PRUNE2: variants seen among roughly 807,000 people sequenced by gnomAD.
PRUNE2 encodes protein prune homolog 2.
Under a neutral mutation model 252.0 loss-of-function variants are expected in PRUNE2, and 164 were observed. The observed-to-expected ratio is 0.65, with a 90% CI of 0.57 to 0.74. The LOEUF (loss-of-function observed/expected upper bound fraction) is 0.74, where lower values mean the gene tolerates loss of function less well. PRUNE2 is among the 30% of genes least tolerant of loss of function. The pLI is 0.00. For missense variants in PRUNE2, 3,495 were observed against 3,711.0 expected (o/e 0.94, Z 1.51); for synonymous variants, 1,292 against 1,350.2 (o/e 0.96, Z 0.94).
intron 2 of PRUNE2, among the ~76,000 whole-genome samples, chr9:76,852,367 T>C (rs1474416128): frequency 2.6e-5 from 4 of 152,254 alleles, no homozygotes; most frequent in African/African-American, 9.6e-5. Flanking sequence ...AAATCAGGCA[T>C]GTGGCCTGGG....
intron 1 of PRUNE2, chr9:76,857,182 C>G (rs2060303209): frequency 2.2e-6 from 1 of 455,038 alleles, no homozygotes. Context: ...AGCGCATATA[C>G]AGTTTCCAGG....
chr9:76,735,045 T>C (rs2048956801), intron 6 of PRUNE2, among the ~76,000 whole-genome samples: 1 of 151,826 alleles, frequency 6.6e-6, no homozygotes, highest in Non-Finnish European at 1.5e-5. Flanking sequence ...TGGGGAGTCA[T>C]GGAGAGAGGA....
At chr9:76,903,049 C>A (rs1349970147) in intron 1 of PRUNE2, among the ~76,000 whole-genome samples, 2 of 152,126 alleles carry the variant, frequency 1.3e-5, no homozygotes, top group African/African-American at 4.8e-5. Context: ...TCAAAATATC[C>A]TTTTCTTTCA....
intron 6 of PRUNE2, among the ~76,000 whole-genome samples, chr9:76,774,466 T>TATTTATTTA (rs1419033422): frequency 2.3e-5 from 1 of 43,472 alleles, no homozygotes; most frequent in Non-Finnish European, 4.2e-5. Flanking sequence ...TTTTTTTTTT[T>TATTTATTTA]TTTTTTTTTT....
intron 3 of PRUNE2, among the ~76,000 whole-genome samples, chr9:76,847,055 G>A (rs907031853): frequency 5.3e-5 from 8 of 152,102 alleles, no homozygotes; most frequent in East Asian, 3.8e-4. Flanking sequence ...GGCTGGGCGC[G>A]GTGGCTCACA....
Position 76,705,681 on chromosome 9 carries a change from T to C in PRUNE2, c.6593A>G (p.Asp2198Gly). The C allele has an allele frequency of 1.2e-6, 2 of 1,614,014 alleles. No individual in the cohort carries two copies. The highest frequency in any genetic ancestry group is 1.7e-6 in the Non-Finnish European group (2 of 1,179,888). ...TGATACTTGTAAACCTGTACTGTTG[T>C]CACCGTTTATTTCAGAAGGTTCAGG... is the stretch of plus-strand genomic sequence containing the variant. ...GSPEPSEING[D>G]NSTGLQVSEK... The change falls in exon 8 of 19, where the codon GAC becomes GGC. Residue 2198 changes from aspartate (D) to glycine (G), a missense_variant. By Grantham distance (94) the Asp-to-Gly change is moderately conservative. Transcript: ENST00000376718.
rs535578275 is a variant in PRUNE2, at chr9:76,807,375, G to A, written c.756+16257C>T. Reference sequence around the variant, plus strand: ...GGCATGAGCCACAATGCCTGGCCTCGACCTCCCTGTACTATGATCTTTGCT... The same window carrying A: ...GGCATGAGCCACAATGCCTGGCCTCAACCTCCCTGTACTATGATCTTTGCT... On this transcript the variant is annotated intron_variant, in intron 6 of 18. Coordinates refer to ENST00000376718, the MANE Select transcript of PRUNE2 (RefSeq NM_015225.3). Among the ~76,000 whole-genome samples, 33 of 152,070 alleles carry A rather than the reference G, an allele frequency of 2.2e-4. No individual in the cohort carries two copies. The South Asian group carries it at 2.3e-3, about 11-fold the overall frequency.
chr9:76,744,254 A>C (rs1308774767), intron 6 of PRUNE2, among the ~76,000 whole-genome samples: 1 of 152,194 alleles, frequency 6.6e-6, no homozygotes, highest in Non-Finnish European at 1.5e-5. Flanking sequence ...AATTAGACAA[A>C]CCAAACTTTC....
chr9:76,811,939 G>A (rs1477695037), intron 6 of PRUNE2, among the ~76,000 whole-genome samples: 1 of 152,248 alleles, frequency 6.6e-6, no homozygotes, highest in East Asian at 1.9e-4. Flanking sequence ...GAATGGCGCT[G>A]TAGTTGCTGA....
chr9:76,831,654 T>C (rs926648960), intron 4 of PRUNE2, among the ~76,000 whole-genome samples: 213 of 152,078 alleles, frequency 1.4e-3, no homozygotes, highest in African/African-American at 4.4e-3. Flanking sequence ...TCATAACCAC[T>C]AAAAGAATAT....
At position 76,839,790 on chromosome 9, in the gene PRUNE2, C is replaced by T. The variant is rs1171008930; in HGVS notation, c.508+6725G>A. 2.0e-5 allele frequency among the ~76,000 whole-genome samples: 3 copies of T among 152,136 alleles called. No individual in the cohort carries two copies. In the East Asian group the frequency reaches 5.8e-4, roughly 29 times the overall value. ...CTTGAACTGAGTCACTAGCAGTGAT[C>T]ATGGAAAATGTAGAGGGAGTCATGT... is the stretch of plus-strand genomic sequence containing the variant. On this transcript the variant is annotated intron_variant, in intron 4 of 18. Transcript: ENST00000376718.
Position 76,666,608 on chromosome 9 carries a change from G to A in PRUNE2, c.8277-11106C>T, listed in dbSNP as rs146243537. Among the ~76,000 whole-genome samples the A allele has an allele frequency of 3.5e-3, 530 of 152,270 alleles. 2 individuals are homozygous for A. The highest frequency in any genetic ancestry group is 6.1e-3 in the Non-Finnish European group (417 of 68,014). The stretch of plus-strand genomic sequence containing the variant: ...GTGGACACGTGACTCATGTGACCTT[G>A]TCAATCATTGGAGATGACTCACACT... On this transcript the variant is annotated intron_variant, in intron 9 of 18. Coordinates refer to ENST00000376718, the MANE Select transcript of PRUNE2 (RefSeq NM_015225.3).
chr9:76,868,837 T>TGGGGGGGGGGGGGGG (rs111357062), intron 1 of PRUNE2: 12 of 77,160 alleles, frequency 1.6e-4, no homozygotes, highest in Non-Finnish European at 2.8e-4. Context: ...CCTTGGGGGG[T>TGGGGGGGGGGGGGGG]GGGGGGGGGG....
At chr9:76,644,568 T>G in intron 12 of PRUNE2, 171 bp downstream of exon 12, 1 of 731,460 alleles carries the variant, frequency 1.4e-6, no homozygotes, top group Non-Finnish European at 2.4e-6. Flanking sequence ...TTTCAAATGT[T>G]TATTGAATTG....
At chr9:76,819,234 G>GCT in intron 6 of PRUNE2, 1 of 152,000 alleles carries the variant, frequency 6.6e-6, no homozygotes, top group East Asian at 1.9e-4. Flanking sequence ...TGGGCAACAG[G>GCT]GCAAGACGCT....
chr9:76,851,262 A>C (rs2059938494), intron 2 of PRUNE2, among the ~76,000 whole-genome samples: 1 of 152,226 alleles, frequency 6.6e-6, no homozygotes, highest in South Asian at 2.1e-4. Context: ...ACTTTAAATT[A>C]ACGGGCTGGG....
chr9:76,793,953 A>G (rs2055803455), intron 6 of PRUNE2, among the ~76,000 whole-genome samples: 1 of 152,188 alleles, frequency 6.6e-6, no homozygotes, highest in African/African-American at 2.4e-5. Context: ...GGCTATAAAG[A>G]CATTATGAAC....
At chr9:76,862,000 G>C (rs2060578675) in intron 1 of PRUNE2, 1 of 152,172 alleles carries the variant, frequency 6.6e-6, no homozygotes, top group Non-Finnish European at 1.5e-5. Flanking sequence ...CTGTTGTGGG[G>C]AGATGCATGC....
chr9:76,696,111 G>A (rs1300706345), intron 9 of PRUNE2, among the ~76,000 whole-genome samples: 7 of 152,148 alleles, frequency 4.6e-5, no homozygotes, highest in Non-Finnish European at 8.8e-5. Context: ...AAATGTCTCC[G>A]ACGTCAGCAA....
Sources: gnomAD v4.1 joint callset for allele counts (sites outside exome capture counted in the v4.1 genomes callset) on GRCh38, gnomAD v4.1.1 for gene constraint, MANE v1.5 for transcripts, NCBI Gene and HGNC (gene_info 2026-07-23, HGNC 2026-07-21) for gene names.